Variants in CADPS2 observed in about 807,000 individuals in gnomAD.
The protein encoded by CADPS2 is calcium dependent secretion activator 2.
In CADPS2, 93 loss-of-function variants were observed where a neutral mutation model predicts 172.5. That is an observed-to-expected ratio of 0.54 (90% CI 0.46 to 0.64). The LOEUF is 0.64. CADPS2 is among the 30% of genes least tolerant of loss of function. CADPS2 has a pLI of 0.00. For missense variants in CADPS2, 1,420 were observed against 1,565.9 expected (o/e 0.91, Z 1.57); for synonymous variants, 546 against 555.2 (o/e 0.98, Z 0.23).
intron 2 of CADPS2, among the ~76,000 whole-genome samples, chr7:122,700,846 T>C (rs549063450): frequency 6.6e-6 from 1 of 152,156 alleles, no homozygotes; most frequent in African/African-American, 2.4e-5. Flanking sequence ...CAAAAGTGAA[T>C]GTTTGCAATG....
At chr7:122,424,426 C>T in intron 17 of CADPS2, 1 of 627,428 alleles carries the variant, frequency 1.6e-6, no homozygotes, top group Non-Finnish European at 2.0e-6. Flanking sequence ...GACAGCTGGG[C>T]TGAATCCAAA....
intron 8 of CADPS2, among the ~76,000 whole-genome samples, chr7:122,521,454 A>C (rs1344629607): frequency 1.7e-5 from 2 of 121,162 alleles, no homozygotes; most frequent in African/African-American, 6.3e-5. Context: ...TTGACCCCAC[A>C]AGATTAAGAC....
intron 2 of CADPS2, among the ~76,000 whole-genome samples, chr7:122,694,312 C>G (rs1267549099): frequency 1.3e-5 from 2 of 152,164 alleles, no homozygotes; most frequent in Non-Finnish European, 2.9e-5. Context: ...AGCAGTCAAG[C>G]AAATGCAGAG....
intron 28 of CADPS2, among the ~76,000 whole-genome samples, chr7:122,344,130 C>T (rs1162802632): frequency 6.6e-6 from 1 of 152,150 alleles, no homozygotes; most frequent in East Asian, 1.9e-4. Flanking sequence ...GAGAGGATGA[C>T]GTAGCAGGAC....
At chr7:122,850,022 G>T (rs1451825563) in intron 1 of CADPS2, 3 of 963,426 alleles carry the variant, frequency 3.1e-6, no homozygotes, top group East Asian at 6.5e-5. Flanking sequence ...AGGAACAGAA[G>T]GCCCTGCTGC....
At chr7:122,439,909 A>G (rs1313487702) in intron 16 of CADPS2, among the ~76,000 whole-genome samples, 1 of 152,118 alleles carries the variant, frequency 6.6e-6, no homozygotes, top group Non-Finnish European at 1.5e-5. Context: ...GTTAGAATGT[A>G]TATGTCTCCC....
chr7:122,429,299 C>T (rs2049581413), intron 17 of CADPS2, among the ~76,000 whole-genome samples: 1 of 148,114 alleles, frequency 6.8e-6, no homozygotes, highest in Non-Finnish European at 1.5e-5. Flanking sequence ...TATCACAAAA[C>T]TAAGTTTCAA....
chr7:122,619,230 A>T (rs1220505857), intron 5 of CADPS2, among the ~76,000 whole-genome samples: 1 of 152,146 alleles, frequency 6.6e-6, no homozygotes, highest in African/African-American at 2.4e-5. Flanking sequence ...AAAAGATAAA[A>T]TGTTCTGAAC....
intron 1 of CADPS2, among the ~76,000 whole-genome samples, chr7:122,803,890 C>T (rs922203926): frequency 1.4e-5 from 2 of 144,344 alleles, no homozygotes; most frequent in African/African-American, 2.6e-5. Context: ...GGATGGGTTA[C>T]TTAATAAAGT....
At chr7:122,585,231 G>T in intron 6 of CADPS2, among the ~76,000 whole-genome samples, 1 of 151,584 alleles carries the variant, frequency 6.6e-6, no homozygotes, top group East Asian at 1.9e-4. Flanking sequence ...ATTTATCCTT[G>T]TATCCTGGAA....
chr7:122,774,574 C>G (rs963202258), intron 1 of CADPS2, among the ~76,000 whole-genome samples: 5 of 152,054 alleles, frequency 3.3e-5, no homozygotes, highest in African/African-American at 1.2e-4. Flanking sequence ...ATGGTTTGCC[C>G]AATTACCATA....
chr7:122,799,603 C>CAAAAA (rs58187843), intron 1 of CADPS2, among the ~76,000 whole-genome samples: 9 of 48,138 alleles, frequency 1.9e-4, no homozygotes, highest in Admixed American at 2.4e-4. Flanking sequence ...GATTCCATCT[C>CAAAAA]AAAAAAAAAA....
rs749409461 is a variant in CADPS2 at position 122,474,422 on chromosome 7, G to C, written c.1957C>G (p.Gln653Glu). ...TCATTCAGTCTGTGATCCAAAGTCT[G>C]CCTCTGGAGTATTCTAAAAAGGAAG... Reference protein sequence around the residue: ...HAFLFRILQRQTLDHRLNDSY... With the variant: ...HAFLFRILQRETLDHRLNDSY... The change falls in exon 13 of 30, where the codon CAG becomes GAG. Residue 653 changes from glutamine (Q) to glutamate (E), a missense_variant. Transcript: ENST00000449022. The C allele has an allele frequency of 6.2e-7, 1 of 1,613,424 alleles. No homozygotes were observed. The highest frequency in any genetic ancestry group is 1.1e-5 in the South Asian group (1 of 91,066).
At position 122,630,482 on chromosome 7, in the gene CADPS2, A is replaced by C. The variant is rs1266511071; in HGVS notation, c.787-1154T>G. Among the ~76,000 whole-genome samples, 5 of 152,128 alleles carry C rather than the reference A, an allele frequency of 3.3e-5. No individual in the cohort carries two copies. The South Asian group carries it at 8.3e-4, about 25-fold the overall frequency. On this transcript the variant is annotated intron_variant, in intron 3 of 29. Coordinates refer to ENST00000449022, the MANE Select transcript of CADPS2 (RefSeq NM_017954.11). ...AGTGGTTCTTTTGGAATGGGATACC[A>C]GAAGAGGCAGGGTGAGGGACAGGAC...
At chr7:122,574,537 A>T (rs2132628230) in intron 7 of CADPS2, among the ~76,000 whole-genome samples, 1 of 151,478 alleles carries the variant, frequency 6.6e-6, no homozygotes, top group Non-Finnish European at 1.5e-5. Context: ...ATCATCACTA[A>T]AAACAACCAG....
At chr7:122,523,766 C>T (rs2060994403) in intron 8 of CADPS2, among the ~76,000 whole-genome samples, 1 of 152,116 alleles carries the variant, frequency 6.6e-6, no homozygotes, top group Admixed American at 6.6e-5. Flanking sequence ...TCTACACATG[C>T]TTCACTGTTT....
chr7:122,546,623 G>A (rs2063647115), intron 8 of CADPS2, among the ~76,000 whole-genome samples: 1 of 151,974 alleles, frequency 6.6e-6, no homozygotes, highest in African/African-American at 2.4e-5. Flanking sequence ...CTGTACTTTT[G>A]CTGCTATTGC....
intron 28 of CADPS2, among the ~76,000 whole-genome samples, chr7:122,332,788 C>G (rs1195875291): frequency 1.3e-5 from 2 of 152,190 alleles, no homozygotes; most frequent in African/African-American, 4.8e-5. Context: ...CAGTTCACTA[C>G]TACTTTCAAA....
At chr7:122,660,898 A>G (rs2080455267) in intron 3 of CADPS2, among the ~76,000 whole-genome samples, 1 of 152,122 alleles carries the variant, frequency 6.6e-6, no homozygotes, top group Non-Finnish European at 1.5e-5. Context: ...CAACAGAGGA[A>G]GACTTCGTCT....
Sources: allele counts gnomAD v4.1 joint callset (sites outside exome capture counted in the v4.1 genomes callset), GRCh38; gene constraint gnomAD v4.1.1; transcripts MANE v1.5; gene names NCBI Gene and HGNC (gene_info 2026-07-23, HGNC 2026-07-21).